The following CELF4 variants were observed in gnomAD, a reference collection of about 807,000 sequenced individuals.
CELF4 encodes the protein CUGBP Elav-like family member 4, also known as CUG-BP- and ETR-3-like factor 4.
In CELF4, 18 loss-of-function variants were observed where a neutral mutation model predicts 59.9. The ratio of observed to expected loss-of-function variants is 0.30; its 90% CI spans 0.21 to 0.45. The LOEUF (loss-of-function observed/expected upper bound fraction) is 0.45, where lower values mean the gene tolerates loss of function less well. CELF4 is among the 20% of genes least tolerant of loss of function. The pLI, the probability that CELF4 is intolerant of heterozygous loss-of-function variation, is 1.00. For synonymous variants in CELF4, 261 were observed against 267.1 expected (o/e 0.98, Z 0.22); for missense variants, 456 against 689.0 (o/e 0.66, Z 3.79).
At chr18:37,365,013 G>A (rs12457644) in intron 2 of CELF4, among the ~76,000 whole-genome samples, 26,383 of 152,110 alleles carry the variant, frequency 0.17, 2,730 homozygotes, top group East Asian at 0.32. Context: ...TCTTAAAGGA[G>A]GAGGAAGATT....
At chr18:37,335,669 TG>T (rs1364696062) in intron 2 of CELF4, among the ~76,000 whole-genome samples, 1 of 151,994 alleles carries the variant, frequency 6.6e-6, no homozygotes, top group Non-Finnish European at 1.5e-5. Context: ...TCTGGGCAGG[TG>T]GCTCAGGTCC....
chr18:37,500,195 A>G (rs2154603852), intron 1 of CELF4, among the ~76,000 whole-genome samples: 1 of 152,312 alleles, frequency 6.6e-6, no homozygotes, highest in African/African-American at 2.4e-5. Context: ...TAGTGCAGCC[A>G]GTGCCCCTGC....
chr18:37,313,574 G>C (rs966950272), intron 3 of CELF4, among the ~76,000 whole-genome samples: 1 of 152,144 alleles, frequency 6.6e-6, no homozygotes, highest in African/African-American at 2.4e-5. Context: ...TGTGGCTAGG[G>C]GTCTCCCCAG....
chr18:37,538,134 G>C (rs933273445), intron 1 of CELF4, among the ~76,000 whole-genome samples: 1 of 152,228 alleles, frequency 6.6e-6, no homozygotes. Flanking sequence ...GAGGGATGGC[G>C]GGGTGGGAGG....
At chr18:37,357,359 C>A (rs752981483) in intron 2 of CELF4, among the ~76,000 whole-genome samples, 4 of 152,206 alleles carry the variant, frequency 2.6e-5, no homozygotes, top group Non-Finnish European at 5.9e-5. Flanking sequence ...AAACCTCAAG[C>A]CTTGGAGCTT....
chr18:37,486,341 C>A (rs893504570), intron 1 of CELF4, among the ~76,000 whole-genome samples: 1 of 152,192 alleles, frequency 6.6e-6, no homozygotes, highest in Non-Finnish European at 1.5e-5. Flanking sequence ...TCCCCACCTG[C>A]GAACTGAGAA....
intron 3 of CELF4, among the ~76,000 whole-genome samples, chr18:37,301,186 AG>A (rs1322009134): frequency 6.6e-6 from 1 of 152,162 alleles, no homozygotes; most frequent in Non-Finnish European, 1.5e-5. Flanking sequence ...AAAGCAGCCA[AG>A]CTTGGTGGAG....
chr18:37,425,848 T>A (rs1218991288), intron 2 of CELF4, among the ~76,000 whole-genome samples: 3 of 152,228 alleles, frequency 2.0e-5, no homozygotes, highest in Non-Finnish European at 2.9e-5. Flanking sequence ...GCCTGCCTGA[T>A]TAGGGGACCT....
At chr18:37,272,296 C>T (rs1328920520) in intron 7 of CELF4, among the ~76,000 whole-genome samples, 1 of 152,122 alleles carries the variant, frequency 6.6e-6, no homozygotes, top group Non-Finnish European at 1.5e-5. Context: ...ATATCCCTGG[C>T]CTCTACCCAC....
chr18:37,463,421 C>A (rs1355426649), intron 2 of CELF4, among the ~76,000 whole-genome samples: 1 of 152,204 alleles, frequency 6.6e-6, no homozygotes, highest in Admixed American at 6.5e-5. Context: ...TAAGATCTCT[C>A]ATTTCATGGG....
intron 3 of CELF4, among the ~76,000 whole-genome samples, chr18:37,300,365 C>T (rs758094793): frequency 1.3e-5 from 2 of 152,166 alleles, no homozygotes; most frequent in African/African-American, 4.8e-5. Context: ...GCTGGGATTA[C>T]AGGCACCTGC....
At chr18:37,517,960 G>T (rs1364292788) in intron 1 of CELF4, among the ~76,000 whole-genome samples, 1 of 152,176 alleles carries the variant, frequency 6.6e-6, no homozygotes, top group East Asian at 1.9e-4. Flanking sequence ...ATAACTGGGG[G>T]TAAGTCTGTA....
chr18:37,479,908 C>G (rs941828395), intron 2 of CELF4, among the ~76,000 whole-genome samples: 1 of 152,172 alleles, frequency 6.6e-6, no homozygotes, highest in Non-Finnish European at 1.5e-5. Context: ...AGTCTGGACA[C>G]AGACAATGTA....
At chr18:37,366,993 G>T (rs1357819321) in intron 2 of CELF4, among the ~76,000 whole-genome samples, 1 of 152,166 alleles carries the variant, frequency 6.6e-6, no homozygotes, top group East Asian at 1.9e-4. Flanking sequence ...AAGCTCTGTG[G>T]GATCATCTTG....
chr18:37,534,142 C>T lies in CELF4; in HGVS notation c.286+31214G>A, dbSNP rs370651763. Among the ~76,000 whole-genome samples the T allele has an allele frequency of 3.5e-4, 54 of 152,298 alleles. No individual in the cohort carries two copies. The East Asian group carries it at 4.4e-3, about 13-fold the overall frequency. ...ATCAGAGCGGCGTTTCCCGTATTCA[C>T]ATAGTTAAATTAGTTAGCTGGATAG... On this transcript the variant is annotated intron_variant, in intron 1 of 12. Transcript: ENST00000420428.
intron 1 of CELF4, among the ~76,000 whole-genome samples, chr18:37,558,515 A>G (rs746119051): frequency 5.1e-4 from 61 of 120,044 alleles, no homozygotes; most frequent in Middle Eastern, 6.9e-3. Flanking sequence ...GAAGACAGAA[A>G]AGGAGAGGAA....
Position 37,469,946 on chromosome 18 carries a change from C to T in CELF4, c.369+15579G>A, listed in dbSNP as rs76609138. On this transcript the variant is annotated intron_variant, in intron 2 of 12. Transcript: ENST00000420428. ...GGTAGCCCACCTCGCCACTTCATAA[C>T]GCAGGACAGCCCCCAGTGAATCCCT... Among the ~76,000 whole-genome samples the T allele has an allele frequency of 2.2e-3, 329 of 152,256 alleles. 1 individual carries two copies. The highest frequency in any genetic ancestry group is 7.4e-3 in the African/African-American group (307 of 41,538).
At chr18:37,387,164 T>C (rs1314218293) in intron 2 of CELF4, among the ~76,000 whole-genome samples, 1 of 152,240 alleles carries the variant, frequency 6.6e-6, no homozygotes, top group Admixed American at 6.5e-5. Context: ...CAAGTTCCCC[T>C]GGTTCCTTGT....
At chr18:37,507,940 C>T (rs2099940004) in intron 1 of CELF4, among the ~76,000 whole-genome samples, 1 of 152,184 alleles carries the variant, frequency 6.6e-6, no homozygotes, top group Non-Finnish European at 1.5e-5. Flanking sequence ...ACATTCCTCC[C>T]CCTTCATCCT....
Sources: allele counts gnomAD v4.1 joint callset (sites outside exome capture counted in the v4.1 genomes callset), GRCh38; gene constraint gnomAD v4.1.1; transcripts MANE v1.5; gene names NCBI Gene and HGNC (gene_info 2026-07-23, HGNC 2026-07-21).